APPL2: variants seen among roughly 807,000 people sequenced by gnomAD.
APPL2 encodes DCC-interacting protein 13-beta.
APPL2 carries 84 observed loss-of-function variants against 92.7 expected under a neutral mutation model. The observed-to-expected ratio is 0.91, with a 90% confidence interval of 0.76 to 1.09. The LOEUF (loss-of-function observed/expected upper bound fraction) is 1.09. Among genes scored for constraint, APPL2 ranks in the 50% least tolerant of loss-of-function variants. APPL2 has a pLI of 0.00. For missense variants in APPL2, 736 were observed against 824.5 expected, an observed-to-expected ratio of 0.89 and a Z score of 1.31; for synonymous variants, 291 against 291.0, an observed-to-expected ratio of 1.00 and a Z score of 0.00.
chr12:105,227,433 T>C (rs1280684125), intron 2 of APPL2, among the ~76,000 whole-genome samples: 1 of 152,176 alleles, frequency 6.6e-6, no homozygotes, highest in African/African-American at 2.4e-5. Flanking sequence ...AATCAGTGTT[T>C]CCAGAGAGAA....
At chr12:105,198,340 A>G (rs924118152) in intron 10 of APPL2, among the ~76,000 whole-genome samples, 1 of 152,190 alleles carries the variant, frequency 6.6e-6, no homozygotes, top group African/African-American at 2.4e-5. Context: ...CTTAGCCCAC[A>G]GCACCCACCC....
chr12:105,190,320 C>A (rs1458494972), intron 14 of APPL2, among the ~76,000 whole-genome samples, 165 bp from the exon 15 acceptor site: 1 of 152,208 alleles, frequency 6.6e-6, no homozygotes, highest in African/African-American at 2.4e-5. Flanking sequence ...TCCTTCATAT[C>A]CTTGGCTAAA....
intron 2 of APPL2, 76 bp downstream of exon 2, chr12:105,229,049 C>T: frequency 7.9e-7 from 1 of 1,272,484 alleles, no homozygotes; most frequent in Non-Finnish European, 1.1e-6. Context: ...TCCAATTTCT[C>T]AACCTCTGAG....
At chr12:105,200,484 T>C (rs1888066042) in intron 9 of APPL2, among the ~76,000 whole-genome samples, 1 of 152,264 alleles carries the variant, frequency 6.6e-6, no homozygotes, top group Non-Finnish European at 1.5e-5. Flanking sequence ...GGCCTGGCTC[T>C]GGGACATTAG....
At chr12:105,197,684 A>G in intron 11 of APPL2, 81 bp downstream of exon 11, 1 of 1,543,010 alleles carries the variant, frequency 6.5e-7, no homozygotes, top group Non-Finnish European at 8.8e-7. Context: ...GGGCTGGCAC[A>G]TAGGAATGAA....
intron 1 of APPL2, among the ~76,000 whole-genome samples, chr12:105,230,581 T>C (rs573971839): frequency 2.0e-5 from 3 of 152,334 alleles, no homozygotes; most frequent in East Asian, 3.9e-4. Flanking sequence ...TGCAAATAAA[T>C]TGCAATTCCT....
chr12:105,183,357 G>C (rs1051433740), intron 17 of APPL2, among the ~76,000 whole-genome samples: 3 of 152,122 alleles, frequency 2.0e-5, no homozygotes, highest in African/African-American at 7.2e-5. Context: ...AGTGCTGATG[G>C]TTTTTACATT....
chr12:105,201,721 T>TAC (rs1412369980), intron 9 of APPL2, among the ~76,000 whole-genome samples: 1 of 151,592 alleles, frequency 6.6e-6, no homozygotes, highest in South Asian at 2.1e-4. Context: ...TGTATATATA[T>TAC]ACACACACAC....
At chr12:105,186,613 T>TG in intron 17 of APPL2, among the ~76,000 whole-genome samples, 1 of 104,724 alleles carries the variant, frequency 9.5e-6, no homozygotes, top group African/African-American at 3.3e-5. Flanking sequence ...TAAATATATA[T>TG]ATCATATATA....
At chr12:105,182,354 A>C (rs193120323) in intron 17 of APPL2, among the ~76,000 whole-genome samples, 6 of 152,350 alleles carry the variant, frequency 3.9e-5, no homozygotes, top group Admixed American at 2.6e-4. Context: ...TTGTGATGTT[A>C]GGATGTCAAT....
intron 16 of APPL2, among the ~76,000 whole-genome samples, chr12:105,189,466 C>T (rs1887007785): frequency 6.6e-6 from 1 of 152,198 alleles, no homozygotes; most frequent in African/African-American, 2.4e-5. Flanking sequence ...AATGACACAG[C>T]GTATTTCCAG....
Position 105,211,252 on chromosome 12 carries a change from T to C in APPL2, c.351A>G (p.Gln117=). 2 of 1,613,756 alleles carry C rather than the reference T, an allele frequency of 1.2e-6. No homozygotes were observed. Among genetic ancestry groups the C allele is most frequent in the Non-Finnish European group, 1.7e-6 (2 of 1,179,638 alleles). ...LADTMVLPII[Q]FREKDLTEVS... ...TACCTGTGAGATCCTTTTCTCGGAATTGTATGATAGGTAGAACCATTGTGT... is the reference window on the plus strand; with the variant it reads ...TACCTGTGAGATCCTTTTCTCGGAACTGTATGATAGGTAGAACCATTGTGT... The change falls in exon 5 of 21, where the codon CAA becomes CAG. Residue 117 remains glutamine, a synonymous_variant. Coordinates refer to ENST00000258530, the MANE Select transcript of APPL2 (RefSeq NM_018171.5).
chr12:105,202,268 C>A (rs574494429), intron 9 of APPL2, among the ~76,000 whole-genome samples: 136 of 152,268 alleles, frequency 8.9e-4, no homozygotes, highest in Non-Finnish European at 1.0e-3. Context: ...CGGGCGCAGA[C>A]CCTGACGTTA....
chr12:105,177,814 G>A, intron 17 of APPL2, among the ~76,000 whole-genome samples: 1 of 152,168 alleles, frequency 6.6e-6, no homozygotes, highest in Non-Finnish European at 1.5e-5. Flanking sequence ...TTTATTCTGA[G>A]AAGAGTCTTG....
chr12:105,191,321 CAG>C (rs944199670), intron 14 of APPL2, among the ~76,000 whole-genome samples: 88 of 152,174 alleles, frequency 5.8e-4, no homozygotes, highest in African/African-American at 2.1e-3. Flanking sequence ...AGATTATAAA[CAG>C]GGGTCTCCTC....
At position 105,235,905 on chromosome 12, in the gene APPL2, G is replaced by A. The variant is rs796640327; in HGVS notation, c.54+54C>T. The A allele has an allele frequency of 3.4e-5, 41 of 1,219,006 alleles. No individual in the cohort carries two copies. In the South Asian group the frequency reaches 1.0e-3, roughly 31 times the overall value. 75.5% of individuals were successfully genotyped at this position (1,219,006 alleles called of 1,614,324 possible). A position where few individuals can be genotyped will look rare whatever the true frequency, so the allele number is the denominator to read the frequency against. On this transcript the variant is annotated intron_variant, in intron 1 of 20. Coordinates refer to ENST00000258530, the MANE Select transcript of APPL2 (RefSeq NM_018171.5). ...GCGGCCTCCACTCCGGGGCTGGAGGGGCCTCCTCGGCCTCACCCCTGCGGG... is the reference window on the plus strand; with the variant it reads ...GCGGCCTCCACTCCGGGGCTGGAGGAGCCTCCTCGGCCTCACCCCTGCGGG...
At chr12:105,189,740 G>GA (rs1330454198) in intron 16 of APPL2, 32 bp downstream of exon 16, 15 of 1,607,518 alleles carry the variant, frequency 9.3e-6, no homozygotes, top group Non-Finnish European at 1.3e-5. Context: ...TTGTGCAGAG[G>GA]AAAGAATAAG....
Position 105,217,608 on chromosome 12 carries a change from TC to T in APPL2, c.213+57del. ...GTCTCTAAGGATGCCTCTGGATAAT[TC>T]CACTTAAGAAAGTCCTGAACACAGC... is the stretch of plus-strand genomic sequence containing the variant. On this transcript the variant is annotated intron_variant, in intron 3 of 20. Transcript: ENST00000258530. 1.9e-6 allele frequency: 3 copies of T among 1,545,308 alleles called. No homozygotes were observed. In the South Asian group the frequency reaches 3.4e-5, roughly 18 times the overall value.
intron 20 of APPL2, among the ~76,000 whole-genome samples, 186 bp downstream of exon 20, chr12:105,175,849 T>C (rs1227755005): frequency 6.6e-6 from 1 of 152,212 alleles, no homozygotes; most frequent in South Asian, 2.1e-4. Context: ...GAAGTCCTCA[T>C]GTGTTAACAG....
Sources: gnomAD v4.1 joint callset for allele counts (sites outside exome capture counted in the v4.1 genomes callset) on GRCh38, gnomAD v4.1.1 for gene constraint, MANE v1.5 for transcripts, NCBI Gene and HGNC (gene_info 2026-07-23, HGNC 2026-07-21) for gene names.